The following WDPCP variants were observed in gnomAD, a reference collection of about 807,000 sequenced individuals.
WDPCP encodes WD repeat-containing and planar cell polarity effector protein fritz homolog.
WDPCP carries 71 observed loss-of-function variants against 93.1 expected under a neutral mutation model. The observed-to-expected ratio is 0.76, with a 90% CI of 0.63 to 0.93. WDPCP has a LOEUF of 0.93. Among genes scored for constraint, WDPCP ranks in the 40% least tolerant of loss-of-function variants. The probability of loss-of-function intolerance (pLI) is 0.00; values close to 1 mark genes in which losing one functional copy is unlikely to be tolerated. For synonymous variants in WDPCP, 315 were observed against 315.0 expected (o/e 1.00, Z 0.00); for missense variants, 844 against 887.4 (o/e 0.95, Z 0.62).
rs764595056 is a variant in WDPCP, at chr2:63,174,836, T to C, written c.1916-4A>G. 6.2e-6 allele frequency: 10 copies of C among 1,613,348 alleles called. No individual in the cohort carries two copies. The highest frequency in any genetic ancestry group is 7.6e-6 in the Non-Finnish European group (9 of 1,179,536). ...CTGTCCAAGGGTCCCAGGAGTTCTG[T>C]TGAAAATGATTAATATGTGAGTGAA... is the stretch of plus-strand genomic sequence containing the variant. On this transcript the variant is annotated splice_polypyrimidine_tract_variant and splice_region_variant and intron_variant, in intron 14 of 17. Coordinates refer to ENST00000272321, the MANE Select transcript of WDPCP (RefSeq NM_015910.7).
At chr2:63,194,535 T>TAATG (rs3048470) in intron 14 of WDPCP, among the ~76,000 whole-genome samples, 56,653 of 151,678 alleles carry the variant, frequency 0.37, 12,288 homozygotes, top group Non-Finnish European at 0.49. Context: ...AATATGCAAT[T>TAATG]ATAATGTGTT....
chr2:63,573,249 A>C (rs1472594276), intron 1 of WDPCP, among the ~76,000 whole-genome samples: 1 of 151,918 alleles, frequency 6.6e-6, no homozygotes, highest in Admixed American at 6.6e-5. Flanking sequence ...CTCAAAAAAA[A>C]AAAAAAAAAA....
chr2:63,409,870 A>G (rs1694902446), intron 9 of WDPCP, among the ~76,000 whole-genome samples: 1 of 152,178 alleles, frequency 6.6e-6, no homozygotes, highest in African/African-American at 2.4e-5. Flanking sequence ...AAAACCTCCA[A>G]GAAGTCTGGG....
chr2:63,817,572 T>G (rs914936985), intron 1 of WDPCP, among the ~76,000 whole-genome samples: 1 of 152,208 alleles, frequency 6.6e-6, no homozygotes, highest in African/African-American at 2.4e-5. Flanking sequence ...AAAATTTTAT[T>G]GGAACACAGC....
At chr2:63,802,281 TAAAAAAAAAAAAAAAAAAAA>T (rs58717654) in intron 2 of WDPCP, among the ~76,000 whole-genome samples, 132 of 54,406 alleles carry the variant, frequency 2.4e-3, no homozygotes, top group African/African-American at 7.7e-3. Flanking sequence ...CCCTCTCTCT[TAAAAAAAAAAAAAAAAAAAA>T]AAAAAAAAAA....
intron 3 of WDPCP, among the ~76,000 whole-genome samples, chr2:63,638,278 G>A (rs1709941787): frequency 6.6e-6 from 1 of 151,986 alleles, no homozygotes; most frequent in African/African-American, 2.4e-5. Flanking sequence ...AATTTGCTAT[G>A]AGAGTACATC....
intron 14 of WDPCP, among the ~76,000 whole-genome samples, chr2:63,254,874 T>C (rs1430965347): frequency 6.6e-6 from 1 of 152,134 alleles, no homozygotes; most frequent in East Asian, 1.9e-4. Flanking sequence ...TGATCCCTCA[T>C]GAATGTAAAT....
intron 15 of WDPCP, among the ~76,000 whole-genome samples, chr2:63,169,151 A>G (rs1673203170): frequency 6.6e-6 from 1 of 152,190 alleles, no homozygotes; most frequent in African/African-American, 2.4e-5. Flanking sequence ...TCTTCTGCCT[A>G]CATTTATATT....
chr2:63,537,380 T>C (rs1352095304), intron 1 of WDPCP, among the ~76,000 whole-genome samples: 1 of 152,198 alleles, frequency 6.6e-6, no homozygotes, highest in East Asian at 1.9e-4. Flanking sequence ...GAATCCATTC[T>C]CCACATTGTT....
intron 6 of WDPCP, chr2:63,442,079 G>C (rs1697539095): frequency 6.6e-6 from 1 of 152,166 alleles, no homozygotes; most frequent in South Asian, 2.1e-4. Context: ...GGATACAACT[G>C]ACTCCCTACA....
intron 12 of WDPCP, among the ~76,000 whole-genome samples, chr2:63,356,696 G>A (rs2104610030): frequency 1.3e-5 from 2 of 152,186 alleles, no homozygotes; most frequent in Admixed American, 1.3e-4. Context: ...ATGAAATTAA[G>A]GCAGAAATCC....
At chr2:63,319,209 T>G (rs1206920291) in intron 12 of WDPCP, among the ~76,000 whole-genome samples, 1 of 152,224 alleles carries the variant, frequency 6.6e-6, no homozygotes, top group Non-Finnish European at 1.5e-5. Flanking sequence ...TCCAGAACAA[T>G]ATTTCCTAGG....
At chr2:63,732,482 G>C (rs1168862496) in intron 2 of WDPCP, among the ~76,000 whole-genome samples, 1 of 152,100 alleles carries the variant, frequency 6.6e-6, no homozygotes, top group Non-Finnish European at 1.5e-5. Context: ...TGTAAATATT[G>C]AGGACCTAAA....
chr2:63,575,845 A>G (rs1482950024), intron 1 of WDPCP, among the ~76,000 whole-genome samples: 1 of 152,082 alleles, frequency 6.6e-6, no homozygotes, highest in Non-Finnish European at 1.5e-5. Context: ...TATATTATTT[A>G]GAATATGAAT....
intron 9 of WDPCP, among the ~76,000 whole-genome samples, chr2:63,424,238 G>C (rs776823456): frequency 6.7e-6 from 1 of 150,048 alleles, no homozygotes; most frequent in African/African-American, 2.5e-5. Flanking sequence ...CCAGGGAGGC[G>C]CGCGGTGTGT....
At chr2:63,529,668 A>G (rs1677763104) in intron 1 of WDPCP, among the ~76,000 whole-genome samples, 1 of 152,148 alleles carries the variant, frequency 6.6e-6, no homozygotes, top group Non-Finnish European at 1.5e-5. Context: ...ATACTGGTCT[A>G]AAATTCTCTT....
In WDPCP at chr2:63,755,649, T is replaced by C. The variant is rs115408161; in HGVS notation, n.308+57973A>G. ...AATTGTTCTTGTCTATAGAATCTCATAGGCAAAAGCTCTTAAATTCTGATA... is the reference window on the plus strand; with the variant it reads ...AATTGTTCTTGTCTATAGAATCTCACAGGCAAAAGCTCTTAAATTCTGATA... On this transcript the variant is annotated intron_variant and non_coding_transcript_variant, in intron 2 of 4. Coordinates refer to the WDPCP transcript ENST00000467687. Among the ~76,000 whole-genome samples the C allele has an allele frequency of 4.1e-3, 627 of 152,348 alleles. 3 individuals carry two copies. The highest frequency in any genetic ancestry group is 0.014 in the African/African-American group (587 of 41,576).
intron 10 of WDPCP, among the ~76,000 whole-genome samples, chr2:63,402,050 A>G (rs1030816741): frequency 6.6e-6 from 1 of 152,178 alleles, no homozygotes; most frequent in African/African-American, 2.4e-5. Flanking sequence ...TAAGATAGCA[A>G]AGACATGGAC....
At chr2:63,504,633 C>G (rs1280466953) in intron 1 of WDPCP, among the ~76,000 whole-genome samples, 1 of 151,928 alleles carries the variant, frequency 6.6e-6, no homozygotes, top group Non-Finnish European at 1.5e-5. Context: ...TGCCTAAATG[C>G]TGTGCTAAAT....
Sources: gnomAD v4.1 joint callset for allele counts (sites outside exome capture counted in the v4.1 genomes callset) on GRCh38, gnomAD v4.1.1 for gene constraint, MANE v1.5 for transcripts, NCBI Gene and HGNC (gene_info 2026-07-23, HGNC 2026-07-21) for gene names.